The following SPTLC2 variants were observed in gnomAD, a reference collection of about 807,000 sequenced individuals.
SPTLC2 encodes the protein serine palmitoyltransferase 2.
In SPTLC2, 21 loss-of-function variants were observed where a neutral mutation model predicts 62.0. The ratio of observed to expected loss-of-function variants is 0.34; its 90% CI spans 0.24 to 0.49. SPTLC2 has a LOEUF of 0.49. Ranked by LOEUF, SPTLC2 falls within the 20% of genes least tolerant of loss-of-function variation. The probability of loss-of-function intolerance (pLI) is 0.99; values close to 1 mark genes in which losing one functional copy is unlikely to be tolerated. For missense variants in SPTLC2, 511 were observed against 713.0 expected, an observed-to-expected ratio of 0.72 and a Z score of 3.23; for synonymous variants, 261 against 261.8, an observed-to-expected ratio of 1.00 and a Z score of 0.03.
chr14:77,600,864 A>G (rs912613055), intron 1 of SPTLC2, among the ~76,000 whole-genome samples: 1 of 152,240 alleles, frequency 6.6e-6, no homozygotes, highest in African/African-American at 2.4e-5. Flanking sequence ...AGAAGGAAAA[A>G]AAATCAATCT....
intron 1 of SPTLC2, among the ~76,000 whole-genome samples, chr14:77,600,867 AT>A (rs2079873433): frequency 6.6e-6 from 1 of 152,240 alleles, no homozygotes; most frequent in East Asian, 1.9e-4. Context: ...AGGAAAAAAA[AT>A]CAATCTAATG....
At chr14:77,549,421 C>A (rs10146062) in intron 9 of SPTLC2, among the ~76,000 whole-genome samples, 108 of 152,192 alleles carry the variant, frequency 7.1e-4, no homozygotes, top group African/African-American at 2.5e-3. Flanking sequence ...TACACAGTCA[C>A]GATGTCATGA....
intron 6 of SPTLC2, among the ~76,000 whole-genome samples, chr14:77,558,440 G>C (rs2079596976): frequency 1.3e-5 from 2 of 152,018 alleles, no homozygotes; most frequent in African/African-American, 4.8e-5. Context: ...AAACAATTTT[G>C]ACAGAAAAAG....
intron 2 of SPTLC2, among the ~76,000 whole-genome samples, chr14:77,589,789 C>CCACACA (rs10627978): frequency 0.17 from 24,350 of 146,152 alleles, 2,324 homozygotes; most frequent in Admixed American, 0.28. Context: ...GAGTCCGTCT[C>CCACACA]CACACACACA....
Position 77,555,415 on chromosome 14 carries a change from G to C in SPTLC2, c.1061C>G (p.Pro354Arg), listed in dbSNP as rs532091077. The change falls in exon 8 of 12, where the codon CCC (proline) becomes CGC (arginine). Residue 354 changes from proline to arginine, a missense_variant. Pro to Arg is a moderately radical substitution (Grantham distance 103). Transcript: ENST00000216484. Reference sequence around the variant, plus strand: ...GTACTCCACCACACCCCGGCCTGTGGGGCCCAGGGCGCCAATGCTGTGAGC... The same window carrying C: ...GTACTCCACCACACCCCGGCCTGTGCGGCCCAGGGCGCCAATGCTGTGAGC... ...DEAHSIGALG[P>R]TGRGVVEYFG... 1.9e-6 allele frequency: 3 copies of C among 1,614,140 alleles called. No individual in the cohort carries two copies. The highest frequency in any genetic ancestry group is 1.6e-4 in the Middle Eastern group (1 of 6,062).
chr14:77,541,698 C>T (rs1025705703), intron 9 of SPTLC2, among the ~76,000 whole-genome samples: 4 of 152,210 alleles, frequency 2.6e-5, no homozygotes, highest in Non-Finnish European at 4.4e-5. Flanking sequence ...TCTTGTCACA[C>T]TTTCCAGATC....
intron 5 of SPTLC2, among the ~76,000 whole-genome samples, chr14:77,562,818 TG>T (rs1414750945): frequency 6.6e-6 from 1 of 152,224 alleles, no homozygotes; most frequent in Non-Finnish European, 1.5e-5. Flanking sequence ...TTTCTTTACG[TG>T]AGAGAATTCC....
chr14:77,524,092 G>GA (rs2139996494), intron 9 of SPTLC2, among the ~76,000 whole-genome samples: 1 of 152,210 alleles, frequency 6.6e-6, no homozygotes, highest in East Asian at 1.9e-4. Flanking sequence ...GGAAATATAT[G>GA]AAAAGGAACA....
intron 9 of SPTLC2, among the ~76,000 whole-genome samples, chr14:77,522,732 G>C (rs1194972753): frequency 6.6e-6 from 1 of 152,176 alleles, no homozygotes; most frequent in Non-Finnish European, 1.5e-5. Context: ...AACTGTTTTA[G>C]AATCTTCTCA....
At chr14:77,582,994 G>A (rs1198098578) in intron 2 of SPTLC2, among the ~76,000 whole-genome samples, 1 of 152,058 alleles carries the variant, frequency 6.6e-6, no homozygotes, top group Non-Finnish European at 1.5e-5. Flanking sequence ...GAGCCCAGGA[G>A]TTTGAGACCA....
intron 9 of SPTLC2, among the ~76,000 whole-genome samples, chr14:77,538,853 G>A (rs1324059618): frequency 1.3e-5 from 2 of 152,012 alleles, no homozygotes; most frequent in Admixed American, 6.6e-5. Flanking sequence ...TTGCAGGCAT[G>A]AGCCACTATC....
intron 9 of SPTLC2, among the ~76,000 whole-genome samples, chr14:77,533,472 C>CTAA (rs2079451882): frequency 6.6e-6 from 1 of 152,126 alleles, no homozygotes; most frequent in Admixed American, 6.5e-5. Context: ...TTCTCAGGAC[C>CTAA]TAACACCTTT....
intron 9 of SPTLC2, among the ~76,000 whole-genome samples, chr14:77,539,251 T>C (rs1328480800): frequency 6.6e-6 from 1 of 152,018 alleles, no homozygotes; most frequent in African/African-American, 2.4e-5. Context: ...AATGGGCATA[T>C]ATCCTTTTTA....
rs2272588 is a variant in SPTLC2 at position 77,557,371 on chromosome 14, A to T, written c.851-225T>A. The T allele has an allele frequency of 7.2e-6, 4 of 552,250 alleles. No individual in the cohort carries two copies. The African/African-American group carries it at 7.6e-5, about 10-fold the overall frequency. The allele number at this position is 552,250 out of a possible 1,614,324, so 34.2% of individuals were successfully genotyped here. ...AAAACCATCGAAACTTGACTAAAGG[A>T]CGGTGGTGGCTAACTCAGTTCATTA... On this transcript the variant is annotated intron_variant, in intron 6 of 11. Transcript: ENST00000216484.
At chr14:77,529,249 T>A (rs76134149) in intron 9 of SPTLC2, among the ~76,000 whole-genome samples, 22,456 of 104,878 alleles carry the variant, frequency 0.21, 1,892 homozygotes, top group African/African-American at 0.29. Context: ...TTTGAAAACT[T>A]CTTCTTTTTT....
chr14:77,557,115 A>G lies in SPTLC2; in HGVS notation c.882T>C (p.Asp294=). The change falls in exon 7 of 12, where the codon GAT becomes GAC. Residue 294 remains aspartate (D), a synonymous_variant. Coordinates refer to ENST00000216484, the MANE Select transcript of SPTLC2 (RefSeq NM_004863.4). ...TCCGAGGCTGACCATAAACAATGGC[A>G]TCTTTCAATAGCTTCTCTAGGCTTT... ...NMQSLEKLLK[D]AIVYGQPRTR... 6.2e-7 allele frequency: 1 copy of G among 1,613,870 alleles called. No individual in the cohort carries two copies. The highest frequency in any genetic ancestry group is 1.1e-5 in the South Asian group (1 of 91,090).
At chr14:77,584,099 G>C (rs1474851810) in intron 2 of SPTLC2, among the ~76,000 whole-genome samples, 1 of 152,212 alleles carries the variant, frequency 6.6e-6, no homozygotes, top group Non-Finnish European at 1.5e-5. Context: ...ATCAAAAGTA[G>C]TCTAGGGACA....
In SPTLC2 at chr14:77,562,458, T is replaced by TG; in HGVS notation, c.787dup (p.His263ProfsTer16). On this transcript the variant is annotated frameshift_variant, in exon 6 of 12. Coordinates refer to ENST00000216484, the MANE Select transcript of SPTLC2 (RefSeq NM_004863.4). LOFTEE classifies it high-confidence loss of function. ...TCTGGCTCCCAGAACCAGTGATGCA[T>TG]GATTCAGTTCATCACTCAGAATCAG... 6.2e-7 allele frequency: 1 copy of TG among 1,614,130 alleles called. No homozygotes were observed. Among genetic ancestry groups the TG allele is most frequent in the Non-Finnish European group, 8.5e-7 (1 of 1,179,998 alleles).
intron 1 of SPTLC2, among the ~76,000 whole-genome samples, chr14:77,600,255 TTAG>T (rs1471294285): frequency 6.6e-6 from 1 of 152,178 alleles, no homozygotes; most frequent in Non-Finnish European, 1.5e-5. Flanking sequence ...TTTAAAGAAT[TTAG>T]GTTCAACTAG....
Sources: allele counts gnomAD v4.1 joint callset (sites outside exome capture counted in the v4.1 genomes callset), GRCh38; gene constraint gnomAD v4.1.1; transcripts MANE v1.5; gene names NCBI Gene and HGNC (gene_info 2026-07-23, HGNC 2026-07-21).